The following METAP1 variants were observed in gnomAD, a reference collection of about 807,000 sequenced individuals.
METAP1 encodes the protein methionine aminopeptidase 1.
METAP1 carries 28 observed loss-of-function variants against 53.8 expected under a neutral mutation model. That is an observed-to-expected ratio of 0.52 (90% confidence interval 0.39 to 0.71). The LOEUF is 0.71. METAP1 is among the 30% of genes least tolerant of loss of function. The pLI is 0.00. For missense variants in METAP1, 389 were observed against 479.8 expected, an observed-to-expected ratio of 0.81 and a Z score of 1.77; for synonymous variants, 181 against 165.7, an observed-to-expected ratio of 1.09 and a Z score of -0.71.
At chr4:99,007,283 G>C (rs1423678984) in intron 1 of METAP1, among the ~76,000 whole-genome samples, 1 of 152,114 alleles carries the variant, frequency 6.6e-6, no homozygotes, top group African/African-American at 2.4e-5. Flanking sequence ...AAGACTCATA[G>C]GTGATGTTAT....
intron 1 of METAP1, among the ~76,000 whole-genome samples, chr4:99,010,677 TTTTAGAATTTTTTTCAA>T (rs1278644885): frequency 1.3e-5 from 2 of 152,200 alleles, no homozygotes; most frequent in East Asian, 3.8e-4. Context: ...TTCATATGAA[TTTTAGAATTTTTTTCAA>T]TTTCTGCAAA....
chr4:98,996,457 C>G (rs1722635242), intron 1 of METAP1, among the ~76,000 whole-genome samples: 1 of 152,236 alleles, frequency 6.6e-6, no homozygotes. Flanking sequence ...GCTTTACTAC[C>G]GTGCTTTGAC....
At chr4:99,016,561 G>A (rs181150536) in intron 1 of METAP1, among the ~76,000 whole-genome samples, 91 of 152,270 alleles carry the variant, frequency 6.0e-4, no homozygotes, top group African/African-American at 2.1e-3. Context: ...AATTAAGGCC[G>A]TCACTATATT....
chr4:99,031,787 G>T (rs1725053776), intron 2 of METAP1: 2 of 402,118 alleles, frequency 5.0e-6, no homozygotes, highest in Non-Finnish European at 9.4e-6. Flanking sequence ...AGAGGAAGCA[G>T]CCTGCATACA....
Position 99,002,166 on chromosome 4 carries a change from TGACA to T in METAP1, c.114+6304_114+6307del, listed in dbSNP as rs558276324. Among the ~76,000 whole-genome samples the T allele has an allele frequency of 1.1e-4, 17 of 152,256 alleles. No individual in the cohort carries two copies. In the South Asian group the frequency reaches 3.5e-3, roughly 32 times the overall value. On this transcript the variant is annotated intron_variant, in intron 1 of 10. Coordinates refer to ENST00000296411, the MANE Select transcript of METAP1 (RefSeq NM_015143.3). ...TAAGTTTTAGTAAATTTCATAGGAG[TGACA>T]GACATAAGTGCATAGCTAAGCTCAT...
At chr4:99,061,132 A>G (rs1479455956) in intron 10 of METAP1, 22 bp from the exon 11 acceptor site, 1 of 1,599,854 alleles carries the variant, frequency 6.3e-7, no homozygotes, top group South Asian at 1.1e-5. Flanking sequence ...GTGAACTAAG[A>G]AATTGTTTTT....
chr4:99,043,200 T>A (rs1726000179), intron 6 of METAP1, 49 bp from the exon 7 acceptor site: 1 of 1,361,448 alleles, frequency 7.3e-7, no homozygotes, highest in South Asian at 1.4e-5. Flanking sequence ...TGTAATTTCA[T>A]ACAGATTTTT....
At chr4:99,056,260 C>T (rs1727110865) in intron 9 of METAP1, among the ~76,000 whole-genome samples, 1 of 152,154 alleles carries the variant, frequency 6.6e-6, no homozygotes, top group South Asian at 2.1e-4. Flanking sequence ...CAGTCATTCA[C>T]TTAGCTGATA....
intron 5 of METAP1, 145 bp from the exon 6 acceptor site, chr4:99,040,898 T>TAAAAACA: frequency 3.5e-6 from 1 of 282,058 alleles, no homozygotes; most frequent in Non-Finnish European, 6.3e-6. Flanking sequence ...TGTATTTACA[T>TAAAAACA]ATAATATATT....
intron 1 of METAP1, among the ~76,000 whole-genome samples, chr4:98,997,712 A>G (rs921877162): frequency 6.6e-6 from 1 of 152,222 alleles, no homozygotes; most frequent in Non-Finnish European, 1.5e-5. Flanking sequence ...TGTGAAAACA[A>G]AACATCTAGG....
intron 9 of METAP1, among the ~76,000 whole-genome samples, chr4:99,049,699 C>T (rs376287859): frequency 1.9e-4 from 29 of 151,982 alleles, no homozygotes; most frequent in African/African-American, 6.3e-4. Flanking sequence ...TATTTTGAGC[C>T]GCTGCTAGAT....
intron 9 of METAP1, among the ~76,000 whole-genome samples, chr4:99,051,962 G>A (rs1450604021): frequency 6.6e-6 from 1 of 152,096 alleles, no homozygotes; most frequent in Non-Finnish European, 1.5e-5. Context: ...GAATCAATGG[G>A]TGGGAAGTAA....
rs573651673 is a variant in METAP1, at chr4:99,011,776, A to G, written c.114+15909A>G. On this transcript the variant is annotated intron_variant, in intron 1 of 10. Coordinates refer to ENST00000296411, the MANE Select transcript of METAP1 (RefSeq NM_015143.3). ...ACCAACATGGAGAAATGCCATCTCTACTAAAAATACAAAATTAGCCAGGCG... is the reference window on the plus strand; with the variant it reads ...ACCAACATGGAGAAATGCCATCTCTGCTAAAAATACAAAATTAGCCAGGCG... Among the ~76,000 whole-genome samples the G allele has an allele frequency of 1.8e-4, 28 of 152,262 alleles. No homozygotes were observed. In the South Asian group the frequency reaches 5.6e-3, roughly 30 times the overall value.
chr4:99,047,481 T>C (rs1726354004), intron 8 of METAP1, among the ~76,000 whole-genome samples: 2 of 152,248 alleles, frequency 1.3e-5, no homozygotes, highest in East Asian at 1.9e-4. Context: ...AAGGCCTGGA[T>C]AGGAATGAAA....
At position 99,024,518 on chromosome 4, in the gene METAP1, T is replaced by C. The variant is rs553210958; in HGVS notation, c.115-4349T>C. 1.2e-4 allele frequency among the ~76,000 whole-genome samples: 18 copies of C among 152,270 alleles called. No individual in the cohort carries two copies. In the South Asian group the frequency reaches 3.5e-3, roughly 30 times the overall value. On this transcript the variant is annotated intron_variant, in intron 1 of 10. Coordinates refer to ENST00000296411, the MANE Select transcript of METAP1 (RefSeq NM_015143.3). ...ATCATAGAGAGTCAAAGCTGTCCTCTTGTGCCGAGTCAGTTCCTGGGTGGG... is the reference window on the plus strand; with the variant it reads ...ATCATAGAGAGTCAAAGCTGTCCTCCTGTGCCGAGTCAGTTCCTGGGTGGG...
chr4:99,047,242 G>A, intron 8 of METAP1, among the ~76,000 whole-genome samples: 1 of 152,052 alleles, frequency 6.6e-6, no homozygotes, highest in South Asian at 2.1e-4. Context: ...TTGTTGTAGA[G>A]ACCTGTTCTA....
At chr4:99,002,649 C>A (rs1353630860) in intron 1 of METAP1, among the ~76,000 whole-genome samples, 1 of 152,192 alleles carries the variant, frequency 6.6e-6, no homozygotes, top group African/African-American at 2.4e-5. Context: ...CATGGAACTT[C>A]TCATGCTTTG....
intron 1 of METAP1, among the ~76,000 whole-genome samples, chr4:99,024,283 A>T (rs970907685): frequency 6.6e-6 from 1 of 152,086 alleles, no homozygotes; most frequent in Non-Finnish European, 1.5e-5. Flanking sequence ...TTTAAAAGAG[A>T]CAGGAATTGC....
chr4:99,013,697 G>A (rs1331152694), intron 1 of METAP1, among the ~76,000 whole-genome samples: 1 of 152,104 alleles, frequency 6.6e-6, no homozygotes, highest in Non-Finnish European at 1.5e-5. Context: ...TAAATAGGAC[G>A]AAGGGAAAAA....
Sources: allele counts gnomAD v4.1 joint callset (sites outside exome capture counted in the v4.1 genomes callset), GRCh38; gene constraint gnomAD v4.1.1; transcripts MANE v1.5; gene names NCBI Gene and HGNC (gene_info 2026-07-23, HGNC 2026-07-21).